The following POP4 variants were observed in gnomAD, a reference collection of about 807,000 sequenced individuals.
The protein encoded by POP4 is POP4 ribonuclease P/MRP subunit, also known as ribonuclease P protein subunit p29.
POP4 carries 31 observed loss-of-function variants against 29.9 expected under a neutral mutation model. The ratio of observed to expected loss-of-function variants is 1.04; its 90% CI spans 0.78 to 1.40. The LOEUF (loss-of-function observed/expected upper bound fraction) is 1.40. POP4 is among the 40% of genes most tolerant of loss of function. The pLI is 0.00. For missense variants in POP4, 286 were observed against 282.7 expected (o/e 1.01, Z -0.08); for synonymous variants, 110 against 108.2 (o/e 1.02, Z -0.10).
At chr19:29,614,781 G>A (rs763486155) in intron 6 of POP4, among the ~76,000 whole-genome samples, 1 of 152,182 alleles carries the variant, frequency 6.6e-6, no homozygotes, top group African/African-American at 2.4e-5. Context: ...TGGGATTATA[G>A]GTGTGAGCCA....
Position 29,611,920 on chromosome 19 carries a change from A to C in POP4, c.343A>C (p.Ser115Arg), listed in dbSNP as rs1971073840. ...GAAACAGTACATCAGGGACCTGTGC[A>C]GTGGGCTCAAGCCAGACACGTAAGT... Reference protein sequence around the residue: ...LWKQYIRDLCSGLKPDTQPQM... With the variant: ...LWKQYIRDLCRGLKPDTQPQM... Residue 115 changes from serine to arginine, a missense_variant, in exon 4 of 7, where the codon AGT (serine) becomes CGT (arginine). Ser to Arg is a moderately radical substitution (Grantham distance 110). Coordinates refer to ENST00000585603, the MANE Select transcript of POP4 (RefSeq NM_006627.3). The C allele has an allele frequency of 6.2e-7, 1 of 1,614,144 alleles. No homozygotes were observed. The highest frequency in any genetic ancestry group is 8.5e-7 in the Non-Finnish European group (1 of 1,179,978).
At position 29,610,451 on chromosome 19, in the gene POP4, C is replaced by T; in HGVS notation, c.103C>T (p.Leu35=). Residue 35 remains leucine (L), a synonymous_variant, in exon 3 of 7, where the codon CTG becomes TTG. Transcript: ENST00000585603. ...QRAEAFVRAF[L]KRSTPRMSPQ... Reference sequence around the variant, plus strand: ...GGCCGAGGCCTTCGTGAGGGCCTTCCTGAAGCGCAGCACGCCCCGCATGAG... The same window carrying T: ...GGCCGAGGCCTTCGTGAGGGCCTTCTTGAAGCGCAGCACGCCCCGCATGAG... 1.3e-6 allele frequency: 2 copies of T among 1,592,420 alleles called. No homozygotes were observed. The highest frequency in any genetic ancestry group is 1.7e-6 in the Non-Finnish European group (2 of 1,169,542).
At position 29,613,949 on chromosome 19, in the gene POP4, TCACCAAAGAAGAC is replaced by T; in HGVS notation, c.505_517del (p.Thr169AlafsTer2). 6.2e-7 allele frequency: 1 copy of T among 1,613,812 alleles called. No homozygotes were observed. Among genetic ancestry groups the T allele is most frequent in the Non-Finnish European group, 8.5e-7 (1 of 1,179,930 alleles). ...GAAACAAAGCACATTTTCAAAATTA[TCACCAAAGAAGAC>T]CGCCTGAAAGGTATGTAGGTGTTTC... On this transcript the variant is annotated frameshift_variant, in exon 6 of 7. Transcript: ENST00000585603. LOFTEE classifies it high-confidence loss of function.
rs76594989 is a variant in POP4 at position 29,606,711 on chromosome 19, A to C, written c.7+386A>C. The stretch of plus-strand genomic sequence containing the variant: ...AAGCGCCGAGAGCTGCTGGGGAATG[A>C]TATCACTAACCCAAAGCTTTGGTCC... On this transcript the variant is annotated intron_variant, in intron 1 of 6. Coordinates refer to ENST00000585603, the MANE Select transcript of POP4 (RefSeq NM_006627.3). Among the ~76,000 whole-genome samples the C allele has an allele frequency of 3.4e-3, 518 of 152,206 alleles. 3 individuals carry two copies. Among genetic ancestry groups the C allele is most frequent in the African/African-American group, 0.011 (469 of 41,520 alleles).
At chr19:29,614,027 G>T in intron 6 of POP4, 55 bp downstream of exon 6, 1 of 1,572,442 alleles carries the variant, frequency 6.4e-7, no homozygotes, top group South Asian at 1.2e-5. Flanking sequence ...CAGCTACTGC[G>T]TTAGCCTTTT....
At chr19:29,609,008 A>C in intron 2 of POP4, 2 of 306,540 alleles carry the variant, frequency 6.5e-6, no homozygotes, top group South Asian at 1.1e-4. Flanking sequence ...GCATCATTCA[A>C]CCTTGTCACT....
At chr19:29,613,764 C>T (rs1363708824) in intron 5 of POP4, 107 bp from the exon 6 acceptor site, 7 of 1,488,570 alleles carry the variant, frequency 4.7e-6, no homozygotes, top group Non-Finnish European at 6.3e-6. Flanking sequence ...CTTTCATCTG[C>T]TAGCTCAGAG....
chr19:29,609,545 A>T (rs1188467074), intron 2 of POP4, among the ~76,000 whole-genome samples: 1 of 152,254 alleles, frequency 6.6e-6, no homozygotes, highest in African/African-American at 2.4e-5. Context: ...TGTGGCAGGC[A>T]TGAGGGCAGT....
chr19:29,614,503 A>ATT lies in POP4; in HGVS notation c.526+535_526+536dup, dbSNP rs753589513. The stretch of plus-strand genomic sequence containing the variant: ...ATAGTTAGAAGGTTTTGTTCCTTTA[A>ATT]TTTTTCTTTTTTTTTTTTTTGGAGA... On this transcript the variant is annotated intron_variant, in intron 6 of 6. Transcript: ENST00000585603. 2.2e-4 allele frequency among the ~76,000 whole-genome samples: 18 copies of ATT among 83,674 alleles called. 3 individuals are homozygous for ATT. Among genetic ancestry groups the ATT allele is most frequent in the African/African-American group, 4.9e-4 (10 of 20,292 alleles). 54.9% of individuals were successfully genotyped at this position (83,674 alleles called of 152,430 possible).
At chr19:29,607,258 G>A (rs952478025) in intron 1 of POP4, among the ~76,000 whole-genome samples, 11 of 144,940 alleles carry the variant, frequency 7.6e-5, no homozygotes, top group African/African-American at 2.6e-4. Flanking sequence ...ACAACATAGC[G>A]AGACCCTGTC....
At chr19:29,611,597 C>T (rs947988549) in intron 3 of POP4, 14 of 405,118 alleles carry the variant, frequency 3.5e-5, no homozygotes, top group Non-Finnish European at 4.9e-5. Context: ...CAACAAGACT[C>T]ACGTTTATTT....
In POP4 at chr19:29,616,290, A is replaced by G. The variant is rs982447269; in HGVS notation, c.*910A>G. On this transcript the variant is annotated 3_prime_UTR_variant, in exon 7 of 7. Coordinates refer to ENST00000585603, the MANE Select transcript of POP4 (RefSeq NM_006627.3). The stretch of plus-strand genomic sequence containing the variant: ...TAAAGCCAGTGGGTCAGGCCCTTCC[A>G]TGCAGGGCCAGAGGAAAAGCGGGCC... 1 of 152,256 alleles carries G rather than the reference A, an allele frequency of 6.6e-6. No individual in the cohort carries two copies. The highest frequency in any genetic ancestry group is 2.4e-5 in the African/African-American group (1 of 41,430). The allele number at this position is 152,256 out of a possible 1,614,324, so 9.4% of individuals were successfully genotyped here. A position where few individuals can be genotyped will look rare whatever the true frequency, so the allele number is the denominator to read the frequency against.
chr19:29,606,420 C>T (rs1160977881), intron 1 of POP4, 95 bp downstream of exon 1: 2 of 1,408,110 alleles, frequency 1.4e-6, no homozygotes, highest in Admixed American at 2.7e-5. Flanking sequence ...CCTGTTGCTG[C>T]GGAGTCCTAA....
In POP4 at chr19:29,615,617, G is replaced by T; in HGVS notation, c.*237G>T. The T allele has an allele frequency of 2.3e-6, 1 of 443,578 alleles. No homozygotes were observed. Among genetic ancestry groups the T allele is most frequent in the Non-Finnish European group, 4.0e-6 (1 of 250,302 alleles). 27.5% of individuals were successfully genotyped at this position (443,578 alleles called of 1,614,324 possible). ...GATTTTCATTTTGTGTGACTCCCAT[G>T]GGGAGGAACAGACTGGCAGGAAGCA... On this transcript the variant is annotated 3_prime_UTR_variant, in exon 7 of 7. Transcript: ENST00000585603.
intron 3 of POP4, 169 bp from the exon 4 acceptor site, chr19:29,611,692 AG>A: frequency 1.3e-5 from 8 of 615,844 alleles, no homozygotes; most frequent in East Asian, 8.4e-5. Context: ...AGAGAGGTGT[AG>A]GTTCTTGGTC....
At chr19:29,611,095 C>G (rs1230442552) in intron 3 of POP4, 2 of 161,660 alleles carry the variant, frequency 1.2e-5, no homozygotes, top group Non-Finnish European at 2.7e-5. Context: ...CTCCAGCCGA[C>G]CCGCCATCCC....
At chr19:29,613,559 G>A (rs750963002) in intron 5 of POP4, among the ~76,000 whole-genome samples, 5 of 152,360 alleles carry the variant, frequency 3.3e-5, no homozygotes, top group East Asian at 1.9e-4. Flanking sequence ...CAGCCAGCCC[G>A]TGGGCCCTGA....
intron 6 of POP4, among the ~76,000 whole-genome samples, chr19:29,614,217 G>A (rs912027569): frequency 2.6e-5 from 4 of 152,228 alleles, no homozygotes; most frequent in Non-Finnish European, 4.4e-5. Context: ...AGACCTGCTC[G>A]GCTGTGCCTC....
rs1971125006 is a variant in POP4 at position 29,615,803 on chromosome 19, C to T, written c.*423C>T. ...CAAATAAAGGAGGTATTGCTGCAGT[C>T]CAGCCAGGTTGAAAGGGAAGGGGGG... On this transcript the variant is annotated 3_prime_UTR_variant, in exon 7 of 7. Coordinates refer to ENST00000585603, the MANE Select transcript of POP4 (RefSeq NM_006627.3). 6.5e-6 allele frequency: 1 copy of T among 154,146 alleles called. No homozygotes were observed. The highest frequency in any genetic ancestry group is 6.4e-5 in the Admixed American group (1 of 15,538). The allele number at this position is 154,146 out of a possible 1,614,324, so 9.5% of individuals were successfully genotyped here.
Sources: allele counts gnomAD v4.1 joint callset (sites outside exome capture counted in the v4.1 genomes callset), GRCh38; gene constraint gnomAD v4.1.1; transcripts MANE v1.5; gene names NCBI Gene and HGNC (gene_info 2026-07-23, HGNC 2026-07-21).